Variants in PROCR observed in about 807,000 individuals in gnomAD.
PROCR encodes the protein protein C receptor.
In PROCR, 22 loss-of-function variants were observed where a neutral mutation model predicts 24.2. The ratio of observed to expected loss-of-function variants is 0.91; its 90% CI spans 0.65 to 1.30. PROCR has a LOEUF of 1.30. PROCR is among the 50% of genes most tolerant of loss of function. The pLI is 0.00. For missense variants in PROCR, 288 were observed against 307.7 expected (o/e 0.94, Z 0.48); for synonymous variants, 137 against 139.2 (o/e 0.98, Z 0.11).
rs1382898375 is a variant in PROCR, at chr20:35,205,679, A to G, written c.95-10214A>G. 2.7e-5 allele frequency among the ~76,000 whole-genome samples: 4 copies of G among 147,452 alleles called. No individual in the cohort carries two copies. The East Asian group carries it at 5.9e-4, about 22-fold the overall frequency. ...GGCAGGAGAATTGCTTGAACCTGGGAGGTGGAGGTTGCAGTGAGCCAAGAT... is the reference window on the plus strand; with the variant it reads ...GGCAGGAGAATTGCTTGAACCTGGGGGGTGGAGGTTGCAGTGAGCCAAGAT... On this transcript the variant is annotated intron_variant, in intron 1 of 1. Coordinates refer to the PROCR transcript ENST00000634509.
At chr20:35,214,907 C>CTTTTTTTTTTTT (rs71198708) in intron 1 of PROCR, among the ~76,000 whole-genome samples, 1 of 119,518 alleles carries the variant, frequency 8.4e-6, no homozygotes, top group African/African-American at 3.2e-5. Flanking sequence ...TTTTCTTTTT[C>CTTTTTTTTTTTT]TTTTTTTTTT....
rs150737573 is a variant in PROCR at position 35,184,832 on chromosome 20, A to G, written c.94+8386A>G. Among the ~76,000 whole-genome samples, 67 of 152,328 alleles carry G rather than the reference A, an allele frequency of 4.4e-4. 3 individuals are homozygous for G. The East Asian group carries it at 0.013, about 29-fold the overall frequency. On this transcript the variant is annotated intron_variant, in intron 1 of 1. Coordinates refer to the PROCR transcript ENST00000634509. Reference sequence around the variant, plus strand: ...GGCTTAGCCAAAGATTTCAAGACAAAAAAACCAAAAGCAGTTGCAATATAA... The same window carrying G: ...GGCTTAGCCAAAGATTTCAAGACAAGAAAACCAAAAGCAGTTGCAATATAA...
chr20:35,177,924 C>G (rs1371377732), downstream of PROCR, among the ~76,000 whole-genome samples: 1 of 151,774 alleles, frequency 6.6e-6, no homozygotes, highest in African/African-American at 2.4e-5. Flanking sequence ...TTTTTCAATC[C>G]CTTTGACTAT....
At chr20:35,177,981 C>T (rs1015624461), downstream of PROCR, among the ~76,000 whole-genome samples, 2 of 152,102 alleles carry the variant, frequency 1.3e-5, no homozygotes, top group South Asian at 4.1e-4. Context: ...CCTTAGAATT[C>T]CATTTTTTGG....
intron 1 of PROCR, among the ~76,000 whole-genome samples, chr20:35,193,981 A>ATCAC (rs2086195051): frequency 6.6e-6 from 1 of 152,242 alleles, no homozygotes; most frequent in Non-Finnish European, 1.5e-5. Context: ...AAAACTGAGT[A>ATCAC]GCCAGTGAGG....
intron 1 of PROCR, among the ~76,000 whole-genome samples, chr20:35,215,363 T>C (rs1263906388): frequency 6.6e-6 from 1 of 152,244 alleles, no homozygotes; most frequent in Non-Finnish European, 1.5e-5. Flanking sequence ...TCTCAAATGC[T>C]ACTTCCTTTT....
chr20:35,205,783 A>ATATATG (rs1242610805), intron 1 of PROCR, among the ~76,000 whole-genome samples: 5 of 137,872 alleles, frequency 3.6e-5, no homozygotes, highest in South Asian at 2.3e-4. Flanking sequence ...ATATATATAT[A>ATATATG]TATATGTATA....
chr20:35,176,247 T>C lies in PROCR; in HGVS notation c.402T>C (p.Ala134=). Residue 134 remains alanine, a synonymous_variant, in exon 3 of 4, where the codon GCT becomes GCC. Transcript: ENST00000216968. ...GSRAHVFFEV[A]VNGSSFVSFR... ...GAGCCCATGTCTTCTTCGAAGTGGC[T>C]GTGAATGGGAGCTCCTTTGTGAGTT... 6.2e-7 allele frequency: 1 copy of C among 1,614,178 alleles called. No homozygotes were observed. Among genetic ancestry groups the C allele is most frequent in the Non-Finnish European group, 8.5e-7 (1 of 1,180,018 alleles).
downstream of PROCR, chr20:35,177,443 C>CTTTTTTTTTTT (rs397865849): frequency 8.8e-6 from 5 of 569,220 alleles, no homozygotes; most frequent in African/African-American, 1.0e-4. Context: ...CTCACTCATT[C>CTTTTTTTTTTT]TTTTTTTTTT....
chr20:35,211,639 C>A (rs968773328), intron 1 of PROCR, among the ~76,000 whole-genome samples: 2 of 152,068 alleles, frequency 1.3e-5, no homozygotes, highest in Non-Finnish European at 2.9e-5. Flanking sequence ...CAGAGTTACC[C>A]AAAAAACAAA....
chr20:35,209,151 ATAAGGGTATGTAGCCT>A (rs1220117701), intron 1 of PROCR, among the ~76,000 whole-genome samples: 2 of 152,190 alleles, frequency 1.3e-5, no homozygotes, highest in Non-Finnish European at 2.9e-5. Context: ...AGGGTATAGA[ATAAGGGTATGTAGCCT>A]GGTCTGGAGG....
downstream of PROCR, among the ~76,000 whole-genome samples, chr20:35,180,613 T>G (rs535335014): frequency 1.3e-5 from 2 of 151,594 alleles, no homozygotes; most frequent in South Asian, 4.2e-4. Flanking sequence ...TTCTTCCCCC[T>G]GGTAAGCATC....
intron 1 of PROCR, among the ~76,000 whole-genome samples, chr20:35,205,118 C>T (rs2060333088): frequency 6.6e-6 from 1 of 151,454 alleles, no homozygotes. Context: ...ACTAAAAATA[C>T]AAAAATTAGC....
downstream of PROCR, among the ~76,000 whole-genome samples, chr20:35,180,924 T>C (rs147889828): frequency 5.1e-3 from 779 of 152,318 alleles, 2 homozygotes; most frequent in Non-Finnish European, 7.2e-3. Context: ...TGGAGTGCAG[T>C]AGTGTGAACT....
chr20:35,184,686 C>T (rs778705743), intron 1 of PROCR, among the ~76,000 whole-genome samples: 3 of 151,876 alleles, frequency 2.0e-5, no homozygotes, highest in Admixed American at 6.6e-5. Flanking sequence ...GGTGACAGAG[C>T]GAGACTGTGA....
Position 35,177,084 on chromosome 20 carries a change from C to CACAA in PROCR, c.*272_*273insCAAA. 11 of 1,242,240 alleles carry CACAA rather than the reference C, an allele frequency of 8.9e-6. No homozygotes were observed. The highest frequency in any genetic ancestry group is 1.1e-5 in the Non-Finnish European group (11 of 978,056). The allele number at this position is 1,242,240 out of a possible 1,614,324, so 77.0% of individuals were successfully genotyped here. ...AATGTTTATCTATCTTTGTGGAAAA[C>CACAA]AGATAATGGAGTTGGGGCAGGAAGC... is the stretch of plus-strand genomic sequence containing the variant. On this transcript the variant is annotated 3_prime_UTR_variant, in exon 4 of 4. Coordinates refer to ENST00000216968, the MANE Select transcript of PROCR (RefSeq NM_006404.5).
chr20:35,215,488 A>G (rs2060378873), intron 1 of PROCR, among the ~76,000 whole-genome samples: 1 of 149,716 alleles, frequency 6.7e-6, no homozygotes, highest in African/African-American at 2.5e-5. Context: ...TTATGTGCAC[A>G]AGTCTTATCT....
At chr20:35,199,716 C>T (rs2060311858) in intron 1 of PROCR, among the ~76,000 whole-genome samples, 1 of 151,026 alleles carries the variant, frequency 6.6e-6, no homozygotes, top group South Asian at 2.1e-4. Flanking sequence ...CCACTGCACT[C>T]CAGCCTGGGC....
At chr20:35,205,454 A>AATAT (rs148597850) in intron 1 of PROCR, among the ~76,000 whole-genome samples, 14 of 146,022 alleles carry the variant, frequency 9.6e-5, no homozygotes, top group Non-Finnish European at 1.2e-4. Context: ...TTAATCCAAA[A>AATAT]ATATATATAT....
Sources: gnomAD v4.1 joint callset for allele counts (sites outside exome capture counted in the v4.1 genomes callset) on GRCh38, gnomAD v4.1.1 for gene constraint, MANE v1.5 for transcripts, NCBI Gene and HGNC (gene_info 2026-07-23, HGNC 2026-07-21) for gene names.